The following GMFB variants were observed in gnomAD, a reference collection of about 807,000 sequenced individuals.
The protein encoded by GMFB is GMF-beta.
A neutral mutation model predicts 25.6 loss-of-function variants in GMFB; 13 were observed. That is an observed-to-expected ratio of 0.51 (90% CI 0.33 to 0.81). The LOEUF (loss-of-function observed/expected upper bound fraction) is 0.81, where lower values mean the gene tolerates loss of function less well. Among genes scored for constraint, GMFB ranks in the 30% least tolerant of loss-of-function variants. The pLI is 0.02. For missense variants in GMFB, 146 were observed against 175.4 expected, an observed-to-expected ratio of 0.83 and a Z score of 0.95; for synonymous variants, 57 against 56.9, an observed-to-expected ratio of 1.00 and a Z score of 0.00.
chr14:54,482,783 T>C (rs1260661338), intron 2 of GMFB, among the ~76,000 whole-genome samples: 2 of 152,228 alleles, frequency 1.3e-5, no homozygotes, highest in Non-Finnish European at 2.9e-5. Flanking sequence ...CCTGTTAGTC[T>C]GGCAAAGTTG....
Position 54,474,533 on chromosome 14 carries a change from AC to A in GMFB, c.*3554del, listed in dbSNP as rs2031611765. ...TAAACCAGTACAAGCACCATGCTTAACAAAAGACTGTCCAAAATAAACATGC... is the reference window on the plus strand; with the variant it reads ...TAAACCAGTACAAGCACCATGCTTAAAAAAGACTGTCCAAAATAAACATGC... On this transcript the variant is annotated 3_prime_UTR_variant, in exon 7 of 7. Coordinates refer to ENST00000358056, the MANE Select transcript of GMFB (RefSeq NM_004124.3). 6.5e-6 allele frequency: 1 copy of A among 152,680 alleles called. No homozygotes were observed. The highest frequency in any genetic ancestry group is 2.1e-4 in the South Asian group (1 of 4,836). The allele number at this position is 152,680 out of a possible 1,614,324, so 9.5% of individuals were successfully genotyped here.
intron 6 of GMFB, chr14:54,478,680 A>C (rs1385043295): frequency 6.6e-6 from 1 of 152,206 alleles, no homozygotes; most frequent in Non-Finnish European, 1.5e-5. Context: ...GTATTACAGC[A>C]GAAAGGATAG....
intron 1 of GMFB, 41 bp downstream of exon 1, chr14:54,488,884 C>G (rs2031826867): frequency 5.9e-6 from 9 of 1,537,996 alleles, no homozygotes; most frequent in Non-Finnish European, 7.9e-6. Context: ...CTGGCCGGCT[C>G]GCCCAGCCCT....
At chr14:54,485,521 A>C (rs1378994375) in intron 1 of GMFB, among the ~76,000 whole-genome samples, 1 of 152,190 alleles carries the variant, frequency 6.6e-6, no homozygotes, top group Non-Finnish European at 1.5e-5. Flanking sequence ...ATTGAAGAGA[A>C]CATACAAAAA....
chr14:54,481,270 G>A, intron 4 of GMFB, 139 bp downstream of exon 4: 1 of 630,064 alleles, frequency 1.6e-6, no homozygotes, highest in Non-Finnish European at 2.8e-6. Flanking sequence ...ATTTTTCTTA[G>A]TCTAGTATAT....
intron 5 of GMFB, chr14:54,480,463 G>T (rs1460570646): frequency 1.2e-5 from 2 of 166,050 alleles, no homozygotes; most frequent in Non-Finnish European, 2.6e-5. Flanking sequence ...ATTACTCTAG[G>T]ACCATTCTCA....
chr14:54,482,473 A>C (rs563080295), intron 2 of GMFB, among the ~76,000 whole-genome samples: 1 of 152,354 alleles, frequency 6.6e-6, no homozygotes, highest in Non-Finnish European at 1.5e-5. Flanking sequence ...TGTGTATATG[A>C]AAGAACTTTG....
Position 54,478,163 on chromosome 14 carries a change from T to C in GMFB, c.358-4A>G. 1.1e-6 allele frequency: 1 copy of C among 876,582 alleles called. No individual in the cohort carries two copies. Among genetic ancestry groups the C allele is most frequent in the Non-Finnish European group, 1.6e-6 (1 of 624,890 alleles). 54.3% of individuals were successfully genotyped at this position (876,582 alleles called of 1,614,324 possible). A position where few individuals can be genotyped will look rare whatever the true frequency, so the allele number is the denominator to read the frequency against. Reference sequence around the variant, plus strand: ...CGGTATTTCTTATTTCAAATACCTTTAAAAAAAAAAAAAACTTGGGTCATA... The same window carrying C: ...CGGTATTTCTTATTTCAAATACCTTCAAAAAAAAAAAAAACTTGGGTCATA... On this transcript the variant is annotated splice_polypyrimidine_tract_variant and splice_region_variant and intron_variant, in intron 6 of 6. Coordinates refer to ENST00000358056, the MANE Select transcript of GMFB (RefSeq NM_004124.3).
At chr14:54,483,319 G>T in intron 2 of GMFB, 1 of 194,034 alleles carries the variant, frequency 5.2e-6, no homozygotes, top group Non-Finnish European at 1.1e-5. Flanking sequence ...TGTAGGCAAA[G>T]GTTTCTATTT....
Position 54,475,314 on chromosome 14 carries a change from A to G in GMFB, c.*2774T>C, listed in dbSNP as rs2031623355. ...TTTTTAGCTAAAGTGTCAGACAAGG[A>G]TACAGTTTATGGCTACATTTGACTC... On this transcript the variant is annotated 3_prime_UTR_variant, in exon 7 of 7. Coordinates refer to ENST00000358056, the MANE Select transcript of GMFB (RefSeq NM_004124.3). The G allele has an allele frequency of 1.3e-5, 2 of 152,564 alleles. No homozygotes were observed. The highest frequency in any genetic ancestry group is 6.5e-5 in the Admixed American group (1 of 15,272). The allele number at this position is 152,564 out of a possible 1,614,324, so 9.5% of individuals were successfully genotyped here.
At position 54,487,031 on chromosome 14, in the gene GMFB, G is replaced by C. The variant is rs777174979; in HGVS notation, c.3+1894C>G. ...ATGAGTTCTACTTTGGACAAACTGA[G>C]GTGGCTTTGAGGAGACCAAGTGGAG... On this transcript the variant is annotated intron_variant, in intron 1 of 6. Coordinates refer to ENST00000358056, the MANE Select transcript of GMFB (RefSeq NM_004124.3). Among the ~76,000 whole-genome samples the C allele has an allele frequency of 4.8e-4, 73 of 152,336 alleles. 1 individual carries two copies. Among genetic ancestry groups the C allele is most frequent in the South Asian group, 1.5e-3 (7 of 4,826 alleles).
rs1216203426 is a variant in GMFB at position 54,475,430 on chromosome 14, C to CAAGAGTTAA, written c.*2657_*2658insTTAACTCTT. ...GTAATGACAGTAAAAAATTTAGCAA[C>CAAGAGTTAA]ACACACTTAAACAAGAGTATGTTTA... On this transcript the variant is annotated 3_prime_UTR_variant, in exon 7 of 7. Coordinates refer to ENST00000358056, the MANE Select transcript of GMFB (RefSeq NM_004124.3). The CAAGAGTTAA allele has an allele frequency of 1.3e-5, 2 of 152,548 alleles. No homozygotes were observed. The highest frequency in any genetic ancestry group is 4.8e-5 in the African/African-American group (2 of 41,438). 9.4% of individuals were successfully genotyped at this position (152,548 alleles called of 1,614,324 possible).
chr14:54,475,317 C>G lies in GMFB; in HGVS notation c.*2771G>C, dbSNP rs2031623528. 1 of 152,454 alleles carries G rather than the reference C, an allele frequency of 6.6e-6. No individual in the cohort carries two copies. The highest frequency in any genetic ancestry group is 6.6e-5 in the Admixed American group (1 of 15,264). The allele number at this position is 152,454 out of a possible 1,614,324, so 9.4% of individuals were successfully genotyped here. ...TTAGCTAAAGTGTCAGACAAGGATACAGTTTATGGCTACATTTGACTCCTG... is the reference window on the plus strand; with the variant it reads ...TTAGCTAAAGTGTCAGACAAGGATAGAGTTTATGGCTACATTTGACTCCTG... On this transcript the variant is annotated 3_prime_UTR_variant, in exon 7 of 7. Transcript: ENST00000358056.
At chr14:54,487,132 A>G (rs997885873) in intron 1 of GMFB, among the ~76,000 whole-genome samples, 2 of 152,200 alleles carry the variant, frequency 1.3e-5, no homozygotes, top group Non-Finnish European at 2.9e-5. Flanking sequence ...GCGGTAGCTC[A>G]CGTCTGTAAT....
At chr14:54,482,603 T>C (rs1039823921) in intron 2 of GMFB, among the ~76,000 whole-genome samples, 5 of 152,212 alleles carry the variant, frequency 3.3e-5, no homozygotes, top group South Asian at 2.1e-4. Flanking sequence ...GGGATCAAAA[T>C]AGAGAAACCT....
chr14:54,479,634 T>C (rs1342251809), intron 6 of GMFB, 152 bp downstream of exon 6: 5 of 531,110 alleles, frequency 9.4e-6, no homozygotes, highest in Non-Finnish European at 1.7e-5. Flanking sequence ...TCTCATTCTA[T>C]TTCCAGTTAA....
intron 1 of GMFB, 59 bp from the exon 2 acceptor site, chr14:54,483,826 A>C (rs1434723019): frequency 5.3e-6 from 5 of 940,168 alleles, no homozygotes; most frequent in Non-Finnish European, 8.7e-6. Flanking sequence ...TACATGTTAA[A>C]GTTATGAAAC....
intron 1 of GMFB, among the ~76,000 whole-genome samples, chr14:54,487,019 T>C (rs2031791931): frequency 6.6e-6 from 1 of 152,226 alleles, no homozygotes; most frequent in African/African-American, 2.4e-5. Context: ...AGTTCTACTT[T>C]GGACAAACTG....
chr14:54,482,903 ATT>A (rs142253965), intron 2 of GMFB, among the ~76,000 whole-genome samples: 5 of 150,182 alleles, frequency 3.3e-5, no homozygotes, highest in Non-Finnish European at 4.4e-5. Flanking sequence ...TTTCACTTTT[ATT>A]TTTTTTTCAC....
Sources: allele counts gnomAD v4.1 joint callset (sites outside exome capture counted in the v4.1 genomes callset), GRCh38; gene constraint gnomAD v4.1.1; transcripts MANE v1.5; gene names NCBI Gene and HGNC (gene_info 2026-07-23, HGNC 2026-07-21).